The following KERA variants were observed in gnomAD, a reference collection of about 807,000 sequenced individuals.
The protein encoded by KERA is keratocan.
Under a neutral mutation model 26.4 loss-of-function variants are expected in KERA, and 25 were observed. The observed-to-expected ratio is 0.95, with a 90% CI of 0.69 to 1.32. The LOEUF (loss-of-function observed/expected upper bound fraction) is 1.32. KERA is among the 40% of genes most tolerant of loss of function. The probability of loss-of-function intolerance (pLI) is 0.00; values close to 1 mark genes in which losing one functional copy is unlikely to be tolerated. For missense variants in KERA, 434 were observed against 408.9 expected, an observed-to-expected ratio of 1.06 and a Z score of -0.53; for synonymous variants, 167 against 146.1, an observed-to-expected ratio of 1.14 and a Z score of -1.03.
chr12:91,052,894 G>A (rs1341188027), intron 2 of KERA, among the ~76,000 whole-genome samples: 1 of 151,390 alleles, frequency 6.6e-6, no homozygotes, highest in Non-Finnish European at 1.5e-5. Flanking sequence ...TAAAAAAGAA[G>A]TATTCTAAAT....
At chr12:91,055,286 G>A (rs1878963660) in intron 2 of KERA, 110 bp downstream of exon 2, 1 of 976,726 alleles carries the variant, frequency 1.0e-6, no homozygotes, top group Non-Finnish European at 1.6e-6. Context: ...AAAATCTAAA[G>A]GAACATTAGC....
rs1013885197 is a variant in KERA, at chr12:91,051,002, A to C, written c.*344T>G. 11 of 223,792 alleles carry C rather than the reference A, an allele frequency of 4.9e-5. No homozygotes were observed. The Admixed American group carries it at 5.1e-4, about 10-fold the overall frequency. 13.9% of individuals were successfully genotyped at this position (223,792 alleles called of 1,614,324 possible). A position where few individuals can be genotyped will look rare whatever the true frequency, so the allele number is the denominator to read the frequency against. The stretch of plus-strand genomic sequence containing the variant: ...TGTAAATTACGGTATCTGCATAAGT[A>C]ATTTTAAACATACACAAATGTGTCC... On this transcript the variant is annotated 3_prime_UTR_variant, in exon 3 of 3. Transcript: ENST00000266719.
chr12:91,057,246 T>C (rs995711997), intron 1 of KERA, among the ~76,000 whole-genome samples: 5 of 150,130 alleles, frequency 3.3e-5, no homozygotes, highest in African/African-American at 4.9e-5. Flanking sequence ...TTACTAATAT[T>C]TGATACATTT....
At chr12:91,057,105 G>A in intron 1 of KERA, among the ~76,000 whole-genome samples, 1 of 150,368 alleles carries the variant, frequency 6.7e-6, no homozygotes, top group Non-Finnish European at 1.5e-5. Flanking sequence ...AAGTACATGA[G>A]TATTGTATTC....
intron 2 of KERA, among the ~76,000 whole-genome samples, chr12:91,052,641 G>A (rs755547196): frequency 2.6e-5 from 4 of 151,384 alleles, no homozygotes; most frequent in Non-Finnish European, 5.9e-5. Flanking sequence ...CATCTCACAG[G>A]CTTTATCAGC....
Position 91,051,437 on chromosome 12 carries a change from C to G in KERA, c.968G>C (p.Arg323Pro), listed in dbSNP as rs748252361. Residue 323 changes from arginine (R) to proline (P), a missense_variant, in exon 3 of 3, where the codon CGC becomes CCC. By Grantham distance (103) the Arg-to-Pro change is moderately radical. Coordinates refer to ENST00000266719, the MANE Select transcript of KERA (RefSeq NM_007035.4). ...TTCATTTCCATCCAGACGGAGGTAG[C>G]GAAGATGAGGTCCATAACTGAAGGA... ...RDSFSYGPHL[R>P]YLRLDGNEIK... The G allele has an allele frequency of 6.2e-7, 1 of 1,610,750 alleles. No homozygotes were observed. Among genetic ancestry groups the G allele is most frequent in the Non-Finnish European group, 8.5e-7 (1 of 1,177,750 alleles).
At position 91,057,940 on chromosome 12, in the gene KERA, G is replaced by C. The variant is rs1292398835; in HGVS notation, c.-205C>G. ...TTGATCTATTGTTTCCACTTTGACA[G>C]GGCTTCAGAAGACTGCTTACCTCAG... On this transcript the variant is annotated 5_prime_UTR_variant, in exon 1 of 3. Coordinates refer to ENST00000266719, the MANE Select transcript of KERA (RefSeq NM_007035.4). 6.6e-6 allele frequency: 1 copy of C among 151,196 alleles called. No individual in the cohort carries two copies. The highest frequency in any genetic ancestry group is 6.6e-5 in the Admixed American group (1 of 15,096). The allele number at this position is 151,196 out of a possible 1,614,324, so 9.4% of individuals were successfully genotyped here.
chr12:91,051,621 C>T, intron 2 of KERA, 103 bp from the exon 3 acceptor site: 2 of 803,476 alleles, frequency 2.5e-6, no homozygotes, highest in Non-Finnish European at 4.3e-6. Flanking sequence ...GGCTTAGTGG[C>T]CTAATATATG....
At position 91,055,778 on chromosome 12, in the gene KERA, C is replaced by T. The variant is rs1187033481; in HGVS notation, c.504G>A (p.Leu168=). Residue 168 remains leucine (L), a synonymous_variant, in exon 2 of 3, where the codon CTG becomes CTA. Transcript: ENST00000266719. Reference sequence around the variant, plus strand: ...TGTTGTTCTGTAGGTCAAGAAGGGTCAGGTTCTCCAGATTGCTAAAGGTCC... The same window carrying T: ...TGTTGTTCTGTAGGTCAAGAAGGGTTAGGTTCTCCAGATTGCTAAAGGTCC... ...PQGTFSNLEN[L]TLLDLQNNKL... 3 of 1,611,282 alleles carry T rather than the reference C, an allele frequency of 1.9e-6. No individual in the cohort carries two copies. The highest frequency in any genetic ancestry group is 1.1e-5 in the South Asian group (1 of 91,038).
rs139692564 is a variant in KERA, at chr12:91,055,586, A to G, written c.696T>C (p.Tyr232=). 1 of 1,610,922 alleles carries G rather than the reference A, an allele frequency of 6.2e-7. No individual in the cohort carries two copies. The highest frequency in any genetic ancestry group is 1.3e-5 in the African/African-American group (1 of 74,632). Residue 232 remains tyrosine, a synonymous_variant, in exon 2 of 3, where the codon TAT becomes TAC. Coordinates refer to ENST00000266719, the MANE Select transcript of KERA (RefSeq NM_007035.4). ...AGGCCACTTTAGGAATCACATTAAA[A>G]TAATTTTCTGGTATTCCTTCAATGG... ...NNSIEGIPEN[Y]FNVIPKVAFL...
intron 2 of KERA, among the ~76,000 whole-genome samples, chr12:91,054,894 C>A (rs1276457942): frequency 2.6e-5 from 4 of 151,240 alleles, no homozygotes; most frequent in East Asian, 3.9e-4. Flanking sequence ...AGCCTTTACA[C>A]ACTTGTTTGA....
Position 91,051,461 on chromosome 12 carries a change from G to T in KERA, c.944C>A (p.Ser315Tyr), listed in dbSNP as rs1463705227. The change falls in exon 3 of 3, where the codon TCC becomes TAC. Residue 315 changes from serine (S) to tyrosine (Y), a missense_variant. Transcript: ENST00000266719. ...SPSMLPAERDSFSYGPHLRYL... is the reference protein window; with the variant it reads ...SPSMLPAERDYFSYGPHLRYL... Reference sequence around the variant, plus strand: ...GCGAAGATGAGGTCCATAACTGAAGGAATCTCGTTCTGCAGGCAGCATGGA... The same window carrying T: ...GCGAAGATGAGGTCCATAACTGAAGTAATCTCGTTCTGCAGGCAGCATGGA... 2 of 1,610,874 alleles carry T rather than the reference G, an allele frequency of 1.2e-6. No homozygotes were observed. Among genetic ancestry groups the T allele is most frequent in the Admixed American group, 3.3e-5 (2 of 59,724 alleles).
chr12:91,055,734 A>C lies in KERA; in HGVS notation c.548T>G (p.Phe183Cys). The C allele has an allele frequency of 6.2e-7, 1 of 1,611,436 alleles. No homozygotes were observed. Among genetic ancestry groups the C allele is most frequent in the Non-Finnish European group, 8.5e-7 (1 of 1,178,248 alleles). The stretch of plus-strand genomic sequence containing the variant: ...GAGTCCTTTAAAAGTGTCTCTTTGA[A>C]AGGCATTGTCCACTAATTTGTTGTT... ...LQNNKLVDNA[F>C]QRDTFKGLKN... Residue 183 changes from phenylalanine to cysteine, a missense_variant, in exon 2 of 3, where the codon TTT becomes TGT. Physicochemically the swap from Phe to Cys is radical, Grantham distance 205 (BLOSUM62 -2). Transcript: ENST00000266719.
At position 91,055,964 on chromosome 12, in the gene KERA, T is replaced by C. The variant is rs1385626904; in HGVS notation, c.318A>G (p.Lys106=). The change falls in exon 2 of 3, where the codon AAA becomes AAG. Residue 106 remains lysine (K), a synonymous_variant. Coordinates refer to ENST00000266719, the MANE Select transcript of KERA (RefSeq NM_007035.4). Reference sequence around the variant, plus strand: ...CTTTTTCAATTCCGTAGTTGGTTATTTTGTTCTTGTTTAGATTTATCCATC... The same window carrying C: ...CTTTTTCAATTCCGTAGTTGGTTATCTTGTTCTTGTTTAGATTTATCCATC... ...QLRWINLNKN[K]ITNYGIEKGA... The C allele has an allele frequency of 1.2e-6, 2 of 1,611,000 alleles. No individual in the cohort carries two copies. Among genetic ancestry groups the C allele is most frequent in the Admixed American group, 3.4e-5 (2 of 59,686 alleles).
At position 91,056,026 on chromosome 12, in the gene KERA, T is replaced by G. The variant is rs564854065; in HGVS notation, c.256A>C (p.Ile86Leu). Residue 86 changes from isoleucine (I) to leucine (L), a missense_variant, in exon 2 of 3, where the codon ATT (isoleucine) becomes CTT (leucine). Transcript: ENST00000266719. ...LYLQNNLIETIPEKPFENATQ... is the reference protein window; with the variant it reads ...LYLQNNLIETLPEKPFENATQ... Reference sequence around the variant, plus strand: ...GCATTCTCAAATGGCTTTTCAGGAATGGTTTCTATCAGGTTGTTTTGAAGA... The same window carrying G: ...GCATTCTCAAATGGCTTTTCAGGAAGGGTTTCTATCAGGTTGTTTTGAAGA... The G allele has an allele frequency of 6.2e-7, 1 of 1,610,070 alleles. No homozygotes were observed. The highest frequency in any genetic ancestry group is 8.5e-7 in the Non-Finnish European group (1 of 1,177,976).
intron 1 of KERA, among the ~76,000 whole-genome samples, chr12:91,057,336 T>A (rs1879034160): frequency 7.0e-6 from 1 of 143,190 alleles, no homozygotes; most frequent in South Asian, 2.2e-4. Flanking sequence ...TACATATATA[T>A]TTTAATAATT....
Position 91,051,628 on chromosome 12 carries a change from T to C in KERA, c.887-110A>G, listed in dbSNP as rs556597809. The C allele has an allele frequency of 2.1e-5, 16 of 768,846 alleles. No individual in the cohort carries two copies. In the South Asian group the frequency reaches 2.2e-4, roughly 10 times the overall value. The allele number at this position is 768,846 out of a possible 1,614,324, so 47.6% of individuals were successfully genotyped here. A position where few individuals can be genotyped will look rare whatever the true frequency, so the allele number is the denominator to read the frequency against. ...CTATGGAGGGCTTAGTGGCCTAATA[T>C]ATGAAAATAGTGGTTATACAAAACA... On this transcript the variant is annotated intron_variant, in intron 2 of 2. Coordinates refer to ENST00000266719, the MANE Select transcript of KERA (RefSeq NM_007035.4).
chr12:91,051,040 A>G lies in KERA; in HGVS notation c.*306T>C, dbSNP rs1375381486. On this transcript the variant is annotated 3_prime_UTR_variant, in exon 3 of 3. Transcript: ENST00000266719. Reference sequence around the variant, plus strand: ...CACAAATGTGTCCTTTTTATTGTATAAGAATGTAATTGTTTTCTTTAGTGT... The same window carrying G: ...CACAAATGTGTCCTTTTTATTGTATGAGAATGTAATTGTTTTCTTTAGTGT... The G allele has an allele frequency of 3.3e-6, 1 of 298,724 alleles. No individual in the cohort carries two copies. Among genetic ancestry groups the G allele is most frequent in the Non-Finnish European group, 6.5e-6 (1 of 153,830 alleles). The allele number at this position is 298,724 out of a possible 1,614,324, so 18.5% of individuals were successfully genotyped here.
intron 2 of KERA, 109 bp from the exon 3 acceptor site, chr12:91,051,627 A>G (rs1878870649): frequency 2.6e-6 from 2 of 768,360 alleles, no homozygotes; most frequent in Non-Finnish European, 4.5e-6. Flanking sequence ...GTGGCCTAAT[A>G]TATGAAAATA....
Sources: gnomAD v4.1 joint callset for allele counts (sites outside exome capture counted in the v4.1 genomes callset) on GRCh38, gnomAD v4.1.1 for gene constraint, MANE v1.5 for transcripts, NCBI Gene and HGNC (gene_info 2026-07-23, HGNC 2026-07-21) for gene names.